HDAC9: variants seen among roughly 807,000 people sequenced by gnomAD.
HDAC9 encodes the protein MEF-2 interacting transcription repressor (MITR) protein.
In HDAC9, 41 loss-of-function variants were observed where a neutral mutation model predicts 139.4. The ratio of observed to expected loss-of-function variants is 0.29; its 90% confidence interval spans 0.23 to 0.38. The LOEUF is 0.38. Ranked by LOEUF, HDAC9 falls within the 10% of genes least tolerant of loss-of-function variation. The probability of loss-of-function intolerance (pLI) is 1.00; values close to 1 mark genes in which losing one functional copy is unlikely to be tolerated. For synonymous variants in HDAC9, 517 were observed against 476.2 expected (o/e 1.09, Z -1.12); for missense variants, 1,147 against 1,297.0 (o/e 0.88, Z 1.78).
intron 2 of HDAC9, among the ~76,000 whole-genome samples, chr7:18,231,385 C>T (rs982227337): frequency 1.3e-5 from 2 of 152,190 alleles, no homozygotes; most frequent in African/African-American, 4.8e-5. Flanking sequence ...CATCCCCTCT[C>T]ATGGGGCTGT....
intron 13 of HDAC9, among the ~76,000 whole-genome samples, chr7:18,738,710 A>T (rs1282400500): frequency 2.6e-5 from 4 of 151,678 alleles, no homozygotes; most frequent in African/African-American, 9.7e-5. Context: ...CTTCATTTCA[A>T]CCTTGGTGTA....
intron 17 of HDAC9, among the ~76,000 whole-genome samples, chr7:18,808,612 C>A (rs540582265): frequency 2.0e-4 from 30 of 151,966 alleles, no homozygotes; most frequent in African/African-American, 7.0e-4. Context: ...AATTTGCATA[C>A]TGAAAACTAT....
intron 6 of HDAC9, among the ~76,000 whole-genome samples, chr7:18,621,200 A>T (rs920344254): frequency 1.3e-5 from 2 of 151,850 alleles, no homozygotes; most frequent in African/African-American, 2.4e-5. Context: ...ATTACCTGGG[A>T]AAAGACCCAT....
chr7:18,617,476 G>A (rs948723266), intron 6 of HDAC9, among the ~76,000 whole-genome samples: 3 of 152,060 alleles, frequency 2.0e-5, no homozygotes, highest in Admixed American at 2.0e-4. Flanking sequence ...GATGCTCCTT[G>A]CTCTTAAAGT....
At chr7:18,686,387 T>C (rs1432279290) in intron 12 of HDAC9, among the ~76,000 whole-genome samples, 1 of 151,976 alleles carries the variant, frequency 6.6e-6, no homozygotes, top group Non-Finnish European at 1.5e-5. Context: ...GGCTTCACAG[T>C]TGTGGCCCTG....
intron 1 of HDAC9, among the ~76,000 whole-genome samples, chr7:18,311,368 A>G (rs1262568468): frequency 6.6e-6 from 1 of 152,120 alleles, no homozygotes; most frequent in African/African-American, 2.4e-5. Context: ...AACTTTTATT[A>G]TATCTAATAA....
intron 1 of HDAC9, among the ~76,000 whole-genome samples, chr7:18,116,075 A>G (rs557934648): frequency 1.1e-4 from 16 of 152,218 alleles, no homozygotes; most frequent in Non-Finnish European, 2.1e-4. Flanking sequence ...ATGTTTCTCA[A>G]TGGTTTCATG....
intron 22 of HDAC9, among the ~76,000 whole-genome samples, chr7:18,885,108 G>T (rs750234628): frequency 6.6e-6 from 1 of 152,194 alleles, no homozygotes; most frequent in Non-Finnish European, 1.5e-5. Context: ...CTTTCTGCTC[G>T]AAACATTCTG....
At chr7:18,895,287 A>G (rs184842456) in intron 22 of HDAC9, among the ~76,000 whole-genome samples, 3 of 152,178 alleles carry the variant, frequency 2.0e-5, no homozygotes, top group African/African-American at 7.2e-5. Context: ...GAGACAAGTG[A>G]TTATCTGATG....
chr7:18,570,357 G>T (rs1583506531), intron 2 of HDAC9, among the ~76,000 whole-genome samples: 2 of 152,170 alleles, frequency 1.3e-5, no homozygotes, highest in African/African-American at 4.8e-5. Context: ...AAATACACAA[G>T]TGTGTCAAAA....
At chr7:18,090,707 C>A (rs1412534150) in intron 1 of HDAC9, among the ~76,000 whole-genome samples, 1 of 152,164 alleles carries the variant, frequency 6.6e-6, no homozygotes, top group Non-Finnish European at 1.5e-5. Flanking sequence ...GGTCAGAGAT[C>A]ATATTCTGGG....
chr7:18,301,550 A>G (rs1039030111), intron 1 of HDAC9, among the ~76,000 whole-genome samples: 81 of 152,240 alleles, frequency 5.3e-4, no homozygotes, highest in African/African-American at 1.9e-3. Context: ...CTTTCTTATT[A>G]CTATCTAAGT....
intron 22 of HDAC9, among the ~76,000 whole-genome samples, chr7:18,877,463 C>G (rs892762091): frequency 7.2e-5 from 11 of 152,152 alleles, no homozygotes; most frequent in African/African-American, 2.7e-4. Flanking sequence ...GAACAAGATA[C>G]ACAACCAAGT....
intron 1 of HDAC9, among the ~76,000 whole-genome samples, chr7:18,106,412 C>T (rs975428995): frequency 6.6e-6 from 1 of 152,048 alleles, no homozygotes; most frequent in Non-Finnish European, 1.5e-5. Flanking sequence ...CAAACTCTTC[C>T]AAGAGTTCCA....
At chr7:18,825,099 T>G (rs1318729119) in intron 17 of HDAC9, among the ~76,000 whole-genome samples, 1 of 152,202 alleles carries the variant, frequency 6.6e-6, no homozygotes, top group African/African-American at 2.4e-5. Flanking sequence ...GAGTTTCAAG[T>G]GACTTTGATA....
At chr7:18,239,314 C>G (rs893016314) in intron 2 of HDAC9, among the ~76,000 whole-genome samples, 1 of 152,132 alleles carries the variant, frequency 6.6e-6, no homozygotes, top group Non-Finnish European at 1.5e-5. Context: ...GTAACTCTCA[C>G]AAAGGATGAA....
intron 1 of HDAC9, among the ~76,000 whole-genome samples, chr7:18,379,001 G>A (rs1368458580): frequency 6.6e-6 from 1 of 152,052 alleles, no homozygotes; most frequent in Non-Finnish European, 1.5e-5. Context: ...CTTTTTAGAA[G>A]ATTTATACCT....
At chr7:18,879,950 T>A (rs1799603852) in intron 22 of HDAC9, among the ~76,000 whole-genome samples, 1 of 151,996 alleles carries the variant, frequency 6.6e-6, no homozygotes, top group South Asian at 2.1e-4. Flanking sequence ...ATAAGGAACT[T>A]AAACAAATTT....
chr7:18,405,950 C>G (rs981804510), intron 1 of HDAC9, among the ~76,000 whole-genome samples: 6 of 152,200 alleles, frequency 3.9e-5, no homozygotes, highest in African/African-American at 1.4e-4. Flanking sequence ...TTCTGGGTAA[C>G]TGGCCTCCCT....
Sources: allele counts gnomAD v4.1 joint callset (sites outside exome capture counted in the v4.1 genomes callset), GRCh38; gene constraint gnomAD v4.1.1; transcripts MANE v1.5; gene names NCBI Gene and HGNC (gene_info 2026-07-23, HGNC 2026-07-21).